Variants in DENND2B observed in about 807,000 individuals in gnomAD.
The protein encoded by DENND2B is DENN domain containing 2B, also known as DENN domain-containing protein 2B.
Under a neutral mutation model 116.0 loss-of-function variants are expected in DENND2B, and 32 were observed. The ratio of observed to expected loss-of-function variants is 0.28; its 90% CI spans 0.21 to 0.37. The LOEUF (loss-of-function observed/expected upper bound fraction) is 0.37, where lower values mean the gene tolerates loss of function less well. Among genes scored for constraint, DENND2B ranks in the 10% least tolerant of loss-of-function variants. DENND2B has a pLI of 1.00. For missense variants in DENND2B, 1,276 were observed against 1,477.7 expected, an observed-to-expected ratio of 0.86 and a Z score of 2.24; for synonymous variants, 588 against 583.9, an observed-to-expected ratio of 1.01 and a Z score of -0.10.
At chr11:8,704,127 G>A (rs951884875) in intron 13 of DENND2B, among the ~76,000 whole-genome samples, 3 of 152,194 alleles carry the variant, frequency 2.0e-5, no homozygotes, top group Non-Finnish European at 4.4e-5. Context: ...CTGCATCCCT[G>A]CCTTCAAGGA....
intron 11 of DENND2B, chr11:8,708,206 C>T: frequency 8.1e-7 from 1 of 1,242,096 alleles, no homozygotes; most frequent in Non-Finnish European, 1.0e-6. Context: ...AGGCTGGGAC[C>T]CCAGCAGATG....
intron 4 of DENND2B, among the ~76,000 whole-genome samples, chr11:8,819,836 A>T (rs1422403809): frequency 6.6e-6 from 1 of 152,254 alleles, no homozygotes; most frequent in Non-Finnish European, 1.5e-5. Context: ...CTGGAATAGA[A>T]AAAGGAGTTT....
intron 17 of DENND2B, 48 bp from the exon 18 acceptor site, chr11:8,696,714 A>T (rs1253801746): frequency 1.3e-6 from 2 of 1,599,884 alleles, no homozygotes; most frequent in Non-Finnish European, 8.5e-7. Context: ...GAGCCTGCAA[A>T]GCCTTCCTCA....
chr11:8,708,090 C>G, intron 11 of DENND2B: 1 of 1,450,624 alleles, frequency 6.9e-7, no homozygotes, highest in South Asian at 1.3e-5. Context: ...TCCTGCCAGG[C>G]TCCACACAGG....
At chr11:8,860,279 A>G (rs1292721838) in intron 2 of DENND2B, among the ~76,000 whole-genome samples, 1 of 152,200 alleles carries the variant, frequency 6.6e-6, no homozygotes. Flanking sequence ...ATGATTGTAC[A>G]CTTAGAAAAC....
At chr11:8,704,079 G>C (rs7940366) in intron 13 of DENND2B, among the ~76,000 whole-genome samples, 45,237 of 152,080 alleles carry the variant, frequency 0.3, 8,267 homozygotes, top group Non-Finnish European at 0.41. Flanking sequence ...CAGGGATTGA[G>C]AATTCACACA....
intron 11 of DENND2B, among the ~76,000 whole-genome samples, chr11:8,710,218 A>G: frequency 6.6e-6 from 1 of 152,190 alleles, no homozygotes; most frequent in Non-Finnish European, 1.5e-5. Context: ...CCTCTACCCA[A>G]TCTATTTCCC....
At chr11:8,834,526 C>A (rs555419519) in intron 4 of DENND2B, among the ~76,000 whole-genome samples, 6 of 152,310 alleles carry the variant, frequency 3.9e-5, no homozygotes, top group East Asian at 3.9e-4. Flanking sequence ...AAGTTTTTCC[C>A]AGTGTGACAC....
rs548516579 is a variant in DENND2B at position 8,827,438 on chromosome 11, A to T, written c.-115+11872T>A. Among the ~76,000 whole-genome samples, 3 of 152,364 alleles carry T rather than the reference A, an allele frequency of 2.0e-5. No homozygotes were observed. The East Asian group carries it at 5.8e-4, about 29-fold the overall frequency. ...ACAGTTCTCCTGAAGGTGATGAAAG[A>T]TTATAGCCACTCATCTCCAATGCAG... On this transcript the variant is annotated intron_variant, in intron 4 of 6. Coordinates refer to the DENND2B transcript ENST00000524757.
intron 8 of DENND2B, among the ~76,000 whole-genome samples, chr11:8,713,509 A>G (rs1310913255): frequency 1.3e-5 from 2 of 151,982 alleles, no homozygotes; most frequent in African/African-American, 4.8e-5. Context: ...CCTCCCAAGT[A>G]GCTGGTATTA....
intron 16 of DENND2B, among the ~76,000 whole-genome samples, chr11:8,698,306 C>A (rs1209982603): frequency 6.6e-6 from 1 of 152,112 alleles, no homozygotes; most frequent in Admixed American, 6.6e-5. Context: ...CTGTGGCCAG[C>A]CTGTGTCTCA....
At chr11:8,830,485 G>C (rs1310918118) in intron 4 of DENND2B, among the ~76,000 whole-genome samples, 1 of 152,156 alleles carries the variant, frequency 6.6e-6, no homozygotes, top group East Asian at 1.9e-4. Flanking sequence ...AATTCCCTCA[G>C]GTCAGAAAAT....
chr11:8,730,265 G>C lies in DENND2B; in HGVS notation c.1025C>G (p.Ala342Gly). ...VSAGSRAVGV[A>G]GVAGEAGPPP... ...TGGGCCCGCCTCCCCCGCAACACCA[G>C]CCACTCCGACTGCCCGGCTGCCAGC... Residue 342 changes from alanine (A) to glycine (G), a missense_variant, in exon 3 of 20, where the codon GCT (alanine) becomes GGT (glycine). Physicochemically the swap from Ala to Gly is moderately conservative, Grantham distance 60. Coordinates refer to ENST00000313726, the MANE Select transcript of DENND2B (RefSeq NM_213618.2). This position sits in a 1 kb window ranked among gnomAD's most constrained non-coding sequence, Gnocchi z 4.1. The C allele has an allele frequency of 1.2e-6, 2 of 1,611,064 alleles. No homozygotes were observed. Among genetic ancestry groups the C allele is most frequent in the Non-Finnish European group, 8.5e-7 (1 of 1,179,470 alleles).
chr11:8,866,213 C>G (rs2063575693), intron 2 of DENND2B, among the ~76,000 whole-genome samples: 1 of 152,214 alleles, frequency 6.6e-6, no homozygotes, highest in South Asian at 2.1e-4. Context: ...CCTGCCTCGG[C>G]CTCCCAAAGT....
upstream of DENND2B, among the ~76,000 whole-genome samples, chr11:8,815,049 C>T (rs978636): frequency 0.37 from 55,637 of 151,792 alleles, 11,123 homozygotes; most frequent in Non-Finnish European, 0.44. Flanking sequence ...TTTACAGCTG[C>T]TCCCATTACC....
At position 8,707,106 on chromosome 11, in the gene DENND2B, G is replaced by T; in HGVS notation, c.2550C>A (p.Phe850Leu). 1.2e-6 allele frequency: 2 copies of T among 1,613,514 alleles called. No homozygotes were observed. The highest frequency in any genetic ancestry group is 8.5e-7 in the Non-Finnish European group (1 of 1,179,714). ...APGKTIKVKT[F>L]LPGAGNEVLE... is the part of the protein sequence containing the mutation. ...CTACCTCATTGCCAGCACCTGGCAGGAATGTCTTCACTTTGATGGTCTTCC... is the reference window on the plus strand; with the variant it reads ...CTACCTCATTGCCAGCACCTGGCAGTAATGTCTTCACTTTGATGGTCTTCC... Residue 850 changes from phenylalanine to leucine, a missense_variant, in exon 13 of 20, where the codon TTC becomes TTA. This residue lies in a region of DENND2B where 420 missense variants were observed against 631.1 expected (regional missense o/e 0.67). Coordinates refer to ENST00000313726, the MANE Select transcript of DENND2B (RefSeq NM_213618.2). This position sits in a 1 kb window ranked among gnomAD's most constrained non-coding sequence, Gnocchi z 4.8.
Position 8,712,406 on chromosome 11 carries a change from T to C in DENND2B, c.2172+145A>G, listed in dbSNP as rs1380215183. The C allele has an allele frequency of 2.1e-6, 2 of 930,470 alleles. No homozygotes were observed. Among genetic ancestry groups the C allele is most frequent in the African/African-American group, 3.3e-5 (2 of 59,884 alleles). The allele number at this position is 930,470 out of a possible 1,614,324, so 57.6% of individuals were successfully genotyped here. A position where few individuals can be genotyped will look rare whatever the true frequency, so the allele number is the denominator to read the frequency against. ...CCCGCTGCAGCCCTGTCTTCCCTCCTGGCTGAGAGGAGGCAGGTTCAGGGC... is the reference window on the plus strand; with the variant it reads ...CCCGCTGCAGCCCTGTCTTCCCTCCCGGCTGAGAGGAGGCAGGTTCAGGGC... On this transcript the variant is annotated intron_variant, in intron 9 of 19. Coordinates refer to ENST00000313726, the MANE Select transcript of DENND2B (RefSeq NM_213618.2). The surrounding 1 kb of genome is among the most constrained non-coding windows in gnomAD (Gnocchi z 4.4).
chr11:8,798,512 A>G (rs1351502544), intron 1 of DENND2B, among the ~76,000 whole-genome samples: 2 of 152,188 alleles, frequency 1.3e-5, no homozygotes, highest in Non-Finnish European at 2.9e-5. Context: ...GGAGGATGGC[A>G]CAGGTGTTGC....
intron 1 of DENND2B, among the ~76,000 whole-genome samples, chr11:8,796,007 C>T (rs2059781083): frequency 6.6e-6 from 1 of 152,176 alleles, no homozygotes; most frequent in African/African-American, 2.4e-5. Context: ...GACAGGAAAG[C>T]AAAATCCAGT....
Sources: allele counts gnomAD v4.1 joint callset (sites outside exome capture counted in the v4.1 genomes callset), GRCh38; gene constraint gnomAD v4.1.1; regional missense constraint gnomAD v4.1.1; non-coding constraint Gnocchi (gnomAD v3.1); transcripts MANE v1.5; gene names NCBI Gene and HGNC (gene_info 2026-07-23, HGNC 2026-07-21).